The following DIXDC1 variants were observed in gnomAD, a reference collection of about 807,000 sequenced individuals.
The protein encoded by DIXDC1 is DIX domain containing 1, also known as dixin.
In DIXDC1, 64 loss-of-function variants were observed where a neutral mutation model predicts 103.1. The ratio of observed to expected loss-of-function variants is 0.62; its 90% confidence interval spans 0.51 to 0.76. DIXDC1 has a LOEUF of 0.76. Ranked by LOEUF, DIXDC1 falls within the 30% of genes least tolerant of loss-of-function variation. The pLI is 0.00. For synonymous variants in DIXDC1, 266 were observed against 298.5 expected, an observed-to-expected ratio of 0.89 and a Z score of 1.12; for missense variants, 759 against 834.2, an observed-to-expected ratio of 0.91 and a Z score of 1.11.
At chr11:111,974,750 G>T in intron 4 of DIXDC1, 126 bp from the exon 5 acceptor site, 1 of 1,470,414 alleles carries the variant, frequency 6.8e-7, no homozygotes. Flanking sequence ...AAGTGTCTTT[G>T]AGGCAGGGGT....
At chr11:111,952,745 A>T (rs979405057) in intron 1 of DIXDC1, among the ~76,000 whole-genome samples, 4 of 147,064 alleles carry the variant, frequency 2.7e-5, no homozygotes, top group African/African-American at 1.0e-4. Flanking sequence ...GCTTGAACCC[A>T]GGAGGCGGTG....
intron 2 of DIXDC1, among the ~76,000 whole-genome samples, chr11:111,964,941 G>C (rs1859680657): frequency 6.6e-6 from 1 of 152,118 alleles, no homozygotes; most frequent in South Asian, 2.1e-4. Flanking sequence ...AGTTGGAAAG[G>C]CTGGAAAGTG....
intron 2 of DIXDC1, 78 bp downstream of exon 2, chr11:111,964,756 A>T (rs1859674994): frequency 6.9e-7 from 1 of 1,459,622 alleles, no homozygotes; most frequent in Non-Finnish European, 9.1e-7. Flanking sequence ...TGCCCTTTAG[A>T]GCAGGTTATT....
At chr11:111,932,437 T>C (rs1966056238), upstream of DIXDC1, among the ~76,000 whole-genome samples, 1 of 151,450 alleles carries the variant, frequency 6.6e-6, no homozygotes, top group Admixed American at 6.6e-5. Flanking sequence ...ATGTAGAAAA[T>C]TAGCCGGGCG....
At chr11:111,935,135 A>G (rs1022798712), upstream of DIXDC1, among the ~76,000 whole-genome samples, 8 of 152,214 alleles carry the variant, frequency 5.3e-5, no homozygotes, top group Non-Finnish European at 7.3e-5. Context: ...TAAAAAATCA[A>G]TTCACTACAA....
intron 1 of DIXDC1, among the ~76,000 whole-genome samples, chr11:111,955,412 G>C (rs2137483588): frequency 6.6e-6 from 1 of 151,870 alleles, no homozygotes; most frequent in Non-Finnish European, 1.5e-5. Flanking sequence ...CTGATCCAGA[G>C]CTGGAGCAGG....
intron 2 of DIXDC1, among the ~76,000 whole-genome samples, chr11:111,930,849 C>CTTTTT (rs782075106): frequency 2.6e-5 from 3 of 116,860 alleles, no homozygotes; most frequent in East Asian, 2.2e-4. Flanking sequence ...TCTTTCTTTC[C>CTTTTT]TTTTTTTTTT....
intron 1 of DIXDC1, among the ~76,000 whole-genome samples, chr11:111,950,446 T>A (rs1235767920): frequency 8.6e-3 from 253 of 29,464 alleles, no homozygotes; most frequent in African/African-American, 0.029. Context: ...ATATTTTTTT[T>A]TTTTTTTTTT....
chr11:111,977,759 C>G lies in DIXDC1; in HGVS notation c.656+2776C>G. 6.4e-7 allele frequency: 1 copy of G among 1,565,786 alleles called. No individual in the cohort carries two copies. The highest frequency in any genetic ancestry group is 8.7e-7 in the Non-Finnish European group (1 of 1,155,648). ...GACGCAGGCTTGCTGAAGCCCGAGACAGGAGGGGGACCATGGGAGGGACGC... is the reference window on the plus strand; with the variant it reads ...GACGCAGGCTTGCTGAAGCCCGAGAGAGGAGGGGGACCATGGGAGGGACGC... On this transcript the variant is annotated intron_variant, in intron 5 of 19. Transcript: ENST00000440460. The surrounding 1 kb of genome is among the most constrained non-coding windows in gnomAD (Gnocchi z 6.1).
At chr11:111,927,829 A>G (rs1177760728) in intron 1 of DIXDC1, among the ~76,000 whole-genome samples, 1 of 151,708 alleles carries the variant, frequency 6.6e-6, no homozygotes, top group African/African-American at 2.4e-5. Flanking sequence ...CAGCCTGGCG[A>G]ACATGGTGAA....
intron 6 of DIXDC1, 97 bp from the exon 7 acceptor site, chr11:111,982,242 C>A: frequency 7.3e-7 from 1 of 1,364,384 alleles, no homozygotes; most frequent in Non-Finnish European, 1.0e-6. Context: ...GTTCAGAACG[C>A]AGGTGACCTG....
chr11:111,985,716 T>A (rs587734659), intron 8 of DIXDC1, among the ~76,000 whole-genome samples: 59 of 152,238 alleles, frequency 3.9e-4, no homozygotes, highest in Middle Eastern at 6.8e-3. Flanking sequence ...TGCCTCCAGT[T>A]CTTCACTCAC....
intron 10 of DIXDC1, among the ~76,000 whole-genome samples, chr11:111,989,797 T>G (rs1555174321): frequency 1.3e-5 from 2 of 151,782 alleles, no homozygotes; most frequent in Non-Finnish European, 2.9e-5. Flanking sequence ...GGCATCTTTT[T>G]TTTTTTTTTG....
At chr11:111,997,102 T>G (rs1555175470) in intron 17 of DIXDC1, among the ~76,000 whole-genome samples, 1 of 152,238 alleles carries the variant, frequency 6.6e-6, no homozygotes, top group African/African-American at 2.4e-5. Context: ...TCAAAAGGTA[T>G]CTAATAATTT....
At chr11:111,957,807 G>A (rs1859438986) in intron 1 of DIXDC1, among the ~76,000 whole-genome samples, 1 of 152,242 alleles carries the variant, frequency 6.6e-6, no homozygotes, top group Admixed American at 6.5e-5. Context: ...GGGACAGTTG[G>A]TGAAATTTGA....
intron 17 of DIXDC1, among the ~76,000 whole-genome samples, chr11:112,008,275 T>G (rs977197623): frequency 2.6e-5 from 4 of 152,040 alleles, no homozygotes; most frequent in African/African-American, 9.7e-5. Context: ...TATCCTAAAT[T>G]TATATGCACC....
At position 111,995,524 on chromosome 11, in the gene DIXDC1, G is replaced by A. The variant is rs201418275; in HGVS notation, c.1649G>A (p.Arg550His). The A allele has an allele frequency of 3.1e-5, 50 of 1,613,856 alleles. No individual in the cohort carries two copies. The African/African-American group carries it at 3.5e-4, about 11-fold the overall frequency. The change falls in exon 16 of 20, where the codon CGC becomes CAC. Residue 550 changes from arginine (R) to histidine (H), a missense_variant. Transcript: ENST00000440460. ...CAGGGCATTTCTAGCCTCATGGAGC[G>A]CCTGCATGTTATGGAGACGCAGAAG... ...LEQGISSLME[R>H]LHVMETQKKQ...
intron 17 of DIXDC1, among the ~76,000 whole-genome samples, chr11:111,999,298 A>C (rs1860993543): frequency 6.6e-6 from 1 of 152,254 alleles, no homozygotes; most frequent in Non-Finnish European, 1.5e-5. Context: ...ACAGTAGATT[A>C]GTGAAATCAA....
chr11:112,005,433 T>TG (rs1266507201), intron 17 of DIXDC1, among the ~76,000 whole-genome samples: 3 of 152,080 alleles, frequency 2.0e-5, no homozygotes, highest in Non-Finnish European at 4.4e-5. Context: ...CTGTGGCTCA[T>TG]GCCTGTAATC....
Sources: gnomAD v4.1 joint callset for allele counts (sites outside exome capture counted in the v4.1 genomes callset) on GRCh38, gnomAD v4.1.1 for gene constraint, Gnocchi (gnomAD v3.1) non-coding constraint, MANE v1.5 for transcripts, NCBI Gene and HGNC (gene_info 2026-07-23, HGNC 2026-07-21) for gene names.